Variants in SYTL5 observed in about 807,000 individuals in gnomAD.
The protein encoded by SYTL5 is synaptotagmin like 5, also known as synaptotagmin-like protein 5.
A neutral mutation model predicts 55.9 loss-of-function variants in SYTL5; 34 were observed. That is an observed-to-expected ratio of 0.61 (90% CI 0.46 to 0.81). SYTL5 has a LOEUF of 0.81. Ranked by LOEUF, SYTL5 falls within the 30% of genes least tolerant of loss-of-function variation. The pLI is 0.00. For missense variants in SYTL5, 637 were observed against 546.7 expected (o/e 1.17, Z -1.65); for synonymous variants, 221 against 188.7 (o/e 1.17, Z -1.40).
the SYTL5 span, among the ~76,000 whole-genome samples, chrX:37,958,657 A>G: frequency 9.0e-6 from 1 of 111,688 alleles, no homozygotes; most frequent in Non-Finnish European, 1.9e-5. Flanking sequence ...TTGTTTCAGG[A>G]TCAACTCAGA....
At position 38,125,464 on chromosome X, in the gene SYTL5, A is replaced by T; in HGVS notation, c.2008A>T (p.Ser670Cys). ...LTIWDKEAFS[S>C]NIFLGGVRLN... is the part of the protein sequence containing the mutation. ...TATCTGGGACAAGGAGGCCTTTTCC[A>T]GCAACATCTTTCTGGGAGGAGTTCG... Residue 670 changes from serine (S) to cysteine (C), a missense_variant, in exon 16 of 17, where the codon AGC (serine) becomes TGC (cysteine). Transcript: ENST00000297875. The T allele has an allele frequency of 8.3e-7, 1 of 1,211,763 alleles. No individual in the cohort carries two copies. The highest frequency in any genetic ancestry group is 1.1e-6 in the Non-Finnish European group (1 of 895,317).
chrX:38,074,619 AGT>A (rs1314092562), intron 5 of SYTL5, among the ~76,000 whole-genome samples: 1 of 111,631 alleles, frequency 9.0e-6, no homozygotes, highest in Non-Finnish European at 1.9e-5. Flanking sequence ...AGAGGGCATT[AGT>A]GTTAGAAGAT....
At chrX:37,915,660 C>A in the SYTL5 span, among the ~76,000 whole-genome samples, 459 of 111,839 alleles carry the variant, frequency 4.1e-3, no homozygotes, top group Non-Finnish European at 6.9e-3. Context: ...ACGGGTACTG[C>A]TAATACTACT....
At chrX:38,040,663 C>CT (rs772832763) in intron 2 of SYTL5, among the ~76,000 whole-genome samples, 2 of 111,959 alleles carry the variant, frequency 1.8e-5, no homozygotes, top group South Asian at 3.8e-4. Context: ...GGATTACACT[C>CT]TTTTTTATGG....
chrX:38,118,121 C>T (rs1055476367), intron 13 of SYTL5, among the ~76,000 whole-genome samples: 1 of 111,451 alleles, frequency 9.0e-6, no homozygotes, highest in Non-Finnish European at 1.9e-5. Flanking sequence ...AAAGAAGAGT[C>T]CAGTTACAAG....
At chrX:37,909,462 CATT>C in the SYTL5 span, among the ~76,000 whole-genome samples, 3 of 110,751 alleles carry the variant, frequency 2.7e-5, no homozygotes, top group African/African-American at 9.8e-5. Context: ...TTTCTTAAAA[CATT>C]ATGAGATTTT....
chrX:38,067,937 T>A (rs767260976), intron 3 of SYTL5, among the ~76,000 whole-genome samples: 1 of 111,734 alleles, frequency 8.9e-6, no homozygotes. Flanking sequence ...AATTGACAAA[T>A]GAGACCTAAT....
chrX:37,931,977 T>C, the SYTL5 span, among the ~76,000 whole-genome samples: 1 of 111,866 alleles, frequency 8.9e-6, no homozygotes, highest in Non-Finnish European at 1.9e-5. Context: ...AAATTTAGTG[T>C]GTATAGAAAT....
At chrX:38,066,055 A>C (rs188648629) in intron 3 of SYTL5, among the ~76,000 whole-genome samples, 1 of 111,278 alleles carries the variant, frequency 9.0e-6, no homozygotes, top group Non-Finnish European at 1.9e-5. Flanking sequence ...AGCTGAGAGC[A>C]TGCCACTGCA....
chrX:38,035,351 C>T (rs1935071390), intron 2 of SYTL5, among the ~76,000 whole-genome samples: 2 of 112,397 alleles, frequency 1.8e-5, no homozygotes, highest in African/African-American at 6.5e-5. Context: ...GACATATTAA[C>T]TAGGAATTGA....
the SYTL5 span, chrX:37,990,935 G>A: frequency 1.7e-6 from 2 of 1,211,783 alleles, no homozygotes; most frequent in Non-Finnish European, 2.2e-6. Flanking sequence ...GGAGCTTCGT[G>A]GACCGCGTTG....
At chrX:38,053,853 A>G (rs1462429747) in intron 2 of SYTL5, among the ~76,000 whole-genome samples, 1 of 112,371 alleles carries the variant, frequency 8.9e-6, no homozygotes, top group Non-Finnish European at 1.9e-5. Flanking sequence ...ATAGTGCTGG[A>G]AGAGAATGTC....
the SYTL5 span, among the ~76,000 whole-genome samples, chrX:37,930,572 C>A: frequency 2.7e-5 from 3 of 111,714 alleles, no homozygotes; most frequent in Admixed American, 2.9e-4. Flanking sequence ...ACTGCCGTAC[C>A]AATCTGACTG....
upstream of SYTL5, among the ~76,000 whole-genome samples, chrX:38,006,353 C>A (rs953492989): frequency 9.0e-6 from 1 of 111,479 alleles, no homozygotes; most frequent in African/African-American, 3.3e-5. Context: ...AAAAATACCT[C>A]ATGTCAAAAA....
chrX:37,895,713 C>T, the SYTL5 span, among the ~76,000 whole-genome samples: 3 of 108,467 alleles, frequency 2.8e-5, no homozygotes, highest in Non-Finnish European at 5.7e-5. Flanking sequence ...GACATTATGT[C>T]CCCATCCTTA....
chrX:38,073,566 C>A, intron 4 of SYTL5, 24 bp from the exon 5 acceptor site: 1 of 1,090,149 alleles, frequency 9.2e-7, no homozygotes, highest in East Asian at 3.2e-5. Flanking sequence ...ATGTAAATTT[C>A]TCTTCTGATT....
At chrX:38,001,270 T>C in the SYTL5 span, among the ~76,000 whole-genome samples, 3 of 112,303 alleles carry the variant, frequency 2.7e-5, no homozygotes, top group Non-Finnish European at 3.8e-5. Flanking sequence ...TCCTTTGTGT[T>C]ATAAACAATC....
chrX:37,946,318 CT>C, the SYTL5 span: 1 of 133,996 alleles, frequency 7.5e-6, no homozygotes, highest in Non-Finnish European at 1.5e-5. Flanking sequence ...TTTGGCTATA[CT>C]ACAGTCTTTG....
chrX:37,972,088 G>A, the SYTL5 span, among the ~76,000 whole-genome samples: 1 of 109,918 alleles, frequency 9.1e-6, no homozygotes, highest in Non-Finnish European at 1.9e-5. Flanking sequence ...CTGCAGGGCC[G>A]CTGCACATCT....
Sources: allele counts gnomAD v4.1 joint callset (sites outside exome capture counted in the v4.1 genomes callset), GRCh38; gene constraint gnomAD v4.1.1; transcripts MANE v1.5; gene names NCBI Gene and HGNC (gene_info 2026-07-23, HGNC 2026-07-21).